HCN1: variants seen among roughly 807,000 people sequenced by gnomAD.
HCN1 encodes the protein potassium/sodium hyperpolarization-activated cyclic nucleotide-gated channel 1.
HCN1 carries 13 observed loss-of-function variants against 78.9 expected under a neutral mutation model. The ratio of observed to expected loss-of-function variants is 0.16; its 90% CI spans 0.11 to 0.26. The LOEUF is 0.26. Ranked by LOEUF, HCN1 falls within the 10% of genes least tolerant of loss-of-function variation. The pLI is 1.00. For missense variants in HCN1, 810 were observed against 1,154.3 expected, an observed-to-expected ratio of 0.70 and a Z score of 4.32; for synonymous variants, 552 against 455.5, an observed-to-expected ratio of 1.21 and a Z score of -2.70.
chr5:45,517,520 T>TAAAAAAAAAAAA (rs773490588), intron 2 of HCN1, among the ~76,000 whole-genome samples: 1 of 94,368 alleles, frequency 1.1e-5, no homozygotes, highest in Non-Finnish European at 2.0e-5. Flanking sequence ...AATTTCCCCT[T>TAAAAAAAAAAAA]AAAAAAAAAA....
intron 2 of HCN1, among the ~76,000 whole-genome samples, chr5:45,492,519 G>GTTTTT (rs928476311): frequency 9.8e-6 from 1 of 102,350 alleles, no homozygotes; most frequent in Non-Finnish European, 1.9e-5. Flanking sequence ...CAGTTTTTTT[G>GTTTTT]TTTTTTTTTT....
chr5:45,492,267 C>G (rs1037457342), intron 2 of HCN1, among the ~76,000 whole-genome samples: 1 of 149,942 alleles, frequency 6.7e-6, no homozygotes, highest in African/African-American at 2.5e-5. Context: ...CTCCCAAAAC[C>G]CACTCTCTCT....
intron 3 of HCN1, among the ~76,000 whole-genome samples, chr5:45,407,611 C>T (rs921249856): frequency 6.6e-6 from 1 of 152,076 alleles, no homozygotes; most frequent in African/African-American, 2.4e-5. Context: ...CCTCCGCCTA[C>T]CTGGCTCATG....
At chr5:45,686,121 A>T (rs1000854525) in intron 1 of HCN1, among the ~76,000 whole-genome samples, 10 of 148,568 alleles carry the variant, frequency 6.7e-5, no homozygotes, top group East Asian at 2.0e-4. Context: ...ACATATATAT[A>T]TATTTTTTTC....
At chr5:45,678,013 C>G (rs374477690) in intron 1 of HCN1, among the ~76,000 whole-genome samples, 1 of 113,742 alleles carries the variant, frequency 8.8e-6, no homozygotes, top group African/African-American at 3.4e-5. Flanking sequence ...CACACACACA[C>G]ATACACACAC....
At chr5:45,599,736 G>A (rs954739065) in intron 2 of HCN1, among the ~76,000 whole-genome samples, 1 of 152,022 alleles carries the variant, frequency 6.6e-6, no homozygotes, top group Non-Finnish European at 1.5e-5. Flanking sequence ...ATTTAGACTC[G>A]TGATGTTTGC....
intron 4 of HCN1, among the ~76,000 whole-genome samples, chr5:45,360,786 G>GA (rs1178339317): frequency 6.6e-6 from 1 of 152,032 alleles, no homozygotes; most frequent in East Asian, 1.9e-4. Flanking sequence ...AAAACTAAAG[G>GA]AAAATCACAA....
At chr5:45,314,539 A>C (rs1745934774) in intron 5 of HCN1, among the ~76,000 whole-genome samples, 2 of 152,200 alleles carry the variant, frequency 1.3e-5, no homozygotes, top group African/African-American at 4.8e-5. Flanking sequence ...AAATGGGCTA[A>C]ATGCTCCAAT....
chr5:45,431,141 G>A (rs370573468), intron 3 of HCN1, among the ~76,000 whole-genome samples: 1 of 152,066 alleles, frequency 6.6e-6, no homozygotes, highest in Admixed American at 6.6e-5. Context: ...ATTCTGAATC[G>A]TGTGAAATGG....
intron 6 of HCN1, among the ~76,000 whole-genome samples, chr5:45,286,166 A>G (rs1184881744): frequency 6.6e-6 from 1 of 151,984 alleles, no homozygotes. Context: ...TCAGTGGCAA[A>G]TCGATAATGA....
chr5:45,475,644 A>C (rs1741497084), intron 2 of HCN1, among the ~76,000 whole-genome samples: 1 of 152,286 alleles, frequency 6.6e-6, no homozygotes, highest in East Asian at 1.9e-4. Flanking sequence ...GCTTTCACCC[A>C]GCATTTAAAC....
At chr5:45,323,266 G>A (rs1274074881) in intron 5 of HCN1, among the ~76,000 whole-genome samples, 3 of 151,808 alleles carry the variant, frequency 2.0e-5, no homozygotes, top group African/African-American at 7.3e-5. Flanking sequence ...TCTCACGAAT[G>A]ATGTTCTTAT....
intron 6 of HCN1, among the ~76,000 whole-genome samples, chr5:45,271,910 T>C (rs1309965997): frequency 6.6e-6 from 1 of 152,150 alleles, no homozygotes; most frequent in East Asian, 1.9e-4. Context: ...CCTTGCTGCA[T>C]GTCCTCAATA....
intron 5 of HCN1, among the ~76,000 whole-genome samples, chr5:45,325,194 G>A (rs1485212543): frequency 6.6e-6 from 1 of 151,720 alleles, no homozygotes; most frequent in African/African-American, 2.4e-5. Flanking sequence ...TTTAGAGGAA[G>A]ACAGCACCTC....
chr5:45,439,603 A>G (rs923692463), intron 3 of HCN1, among the ~76,000 whole-genome samples: 3 of 152,138 alleles, frequency 2.0e-5, no homozygotes, highest in African/African-American at 4.8e-5. Context: ...TTTTATTTCC[A>G]TGAAGTTATT....
At chr5:45,580,999 C>T (rs1458407953) in intron 2 of HCN1, among the ~76,000 whole-genome samples, 3 of 152,102 alleles carry the variant, frequency 2.0e-5, no homozygotes, top group Non-Finnish European at 4.4e-5. Flanking sequence ...AGTGAACATA[C>T]GTGTGCATGT....
At chr5:45,609,994 GA>G (rs1057375683) in intron 2 of HCN1, among the ~76,000 whole-genome samples, 1 of 152,176 alleles carries the variant, frequency 6.6e-6, no homozygotes, top group African/African-American at 2.4e-5. Flanking sequence ...GTCAGATCAA[GA>G]AGCGTCTTGT....
intron 3 of HCN1, among the ~76,000 whole-genome samples, chr5:45,416,918 G>T (rs1436387299): frequency 1.3e-5 from 2 of 151,910 alleles, no homozygotes; most frequent in Non-Finnish European, 2.9e-5. Context: ...AAACTTTTCT[G>T]TTTTTAAGTC....
chr5:45,421,597 C>A (rs943402746), intron 3 of HCN1, among the ~76,000 whole-genome samples: 8 of 151,796 alleles, frequency 5.3e-5, no homozygotes, highest in African/African-American at 1.5e-4. Flanking sequence ...ACAGTATATT[C>A]CAAAAAATAT....
Sources: allele counts gnomAD v4.1 joint callset (sites outside exome capture counted in the v4.1 genomes callset), GRCh38; gene constraint gnomAD v4.1.1; transcripts MANE v1.5; gene names NCBI Gene and HGNC (gene_info 2026-07-23, HGNC 2026-07-21).